The following NALF1 variants were observed in gnomAD, a reference collection of about 807,000 sequenced individuals.
NALF1 encodes the protein NALCN channel auxiliary factor 1, also known as family with sequence similarity 155 member A.
Under a neutral mutation model 48.4 loss-of-function variants are expected in NALF1, and 3 were observed. That is an observed-to-expected ratio of 0.06 (90% CI 0.03 to 0.16). The LOEUF (loss-of-function observed/expected upper bound fraction) is 0.16, where lower values mean the gene tolerates loss of function less well. Among genes scored for constraint, NALF1 ranks in the 10% least tolerant of loss-of-function variants. The pLI is 1.00. For missense variants in NALF1, 526 were observed against 571.5 expected (o/e 0.92, Z 0.81); for synonymous variants, 262 against 245.7 (o/e 1.07, Z -0.62).
At chr13:107,782,906 C>G (rs1315259196) in intron 1 of NALF1, among the ~76,000 whole-genome samples, 1 of 151,258 alleles carries the variant, frequency 6.6e-6, no homozygotes, top group East Asian at 2.0e-4. Flanking sequence ...GCAGCCGCCC[C>G]GTCCAGGAGG....
intron 1 of NALF1, among the ~76,000 whole-genome samples, chr13:107,399,780 G>C (rs376482673): frequency 1.6e-4 from 24 of 152,234 alleles, no homozygotes; most frequent in African/African-American, 5.5e-4. Context: ...CTGTTTAACA[G>C]TTCTGGTTCT....
intron 1 of NALF1, among the ~76,000 whole-genome samples, chr13:107,814,262 T>C (rs1879095870): frequency 6.6e-6 from 1 of 152,154 alleles, no homozygotes; most frequent in African/African-American, 2.4e-5. Flanking sequence ...AGAAGAGGTA[T>C]TTTTAGACAA....
chr13:107,417,833 A>G (rs1465194467), intron 1 of NALF1, among the ~76,000 whole-genome samples: 1 of 152,134 alleles, frequency 6.6e-6, no homozygotes, highest in East Asian at 1.9e-4. Flanking sequence ...GGCTGAGGCC[A>G]GCAGATCACC....
chr13:107,779,219 T>C (rs1381026611), intron 1 of NALF1, among the ~76,000 whole-genome samples: 2 of 152,254 alleles, frequency 1.3e-5, no homozygotes, highest in African/African-American at 4.8e-5. Context: ...ACACCTGCAT[T>C]CTTATAAAAT....
intron 1 of NALF1, among the ~76,000 whole-genome samples, chr13:107,277,258 C>T (rs547541775): frequency 1.6e-4 from 25 of 152,144 alleles, no homozygotes; most frequent in African/African-American, 5.3e-4. Context: ...TTACTTGTGT[C>T]TCCTTGTCTA....
At chr13:107,458,071 T>C (rs775639179) in intron 1 of NALF1, among the ~76,000 whole-genome samples, 23 of 152,204 alleles carry the variant, frequency 1.5e-4, no homozygotes, top group African/African-American at 5.5e-4. Flanking sequence ...AAACAATACA[T>C]AGGAAAACAT....
In NALF1 at chr13:107,168,408, G is replaced by A. The variant is rs1878711773; in HGVS notation, c.*2089C>T. On this transcript the variant is annotated 3_prime_UTR_variant, in exon 3 of 3. Transcript: ENST00000375915. ...TTCACTTCCTCAGCTTGTGTCCCCAGAAAAGCACCATGTTTCCATACACTA... is the reference window on the plus strand; with the variant it reads ...TTCACTTCCTCAGCTTGTGTCCCCAAAAAAGCACCATGTTTCCATACACTA... 1 of 152,154 alleles carries A rather than the reference G, an allele frequency of 6.6e-6. No homozygotes were observed. Among genetic ancestry groups the A allele is most frequent in the African/African-American group, 2.4e-5 (1 of 41,406 alleles). The allele number at this position is 152,154 out of a possible 1,614,324, so 9.4% of individuals were successfully genotyped here.
In NALF1 at chr13:107,845,486, A is replaced by C. The variant is rs140873760; in HGVS notation, c.915+20196T>G. On this transcript the variant is annotated intron_variant, in intron 1 of 2. Coordinates refer to ENST00000375915, the MANE Select transcript of NALF1 (RefSeq NM_001080396.3). ...CCCTAACACGATTCACTCCTTCTCC[A>C]CAAAATCCATACCAGTCACTCAGTG... Among the ~76,000 whole-genome samples the C allele has an allele frequency of 4.2e-3, 644 of 152,278 alleles. 5 individuals carry two copies. Among genetic ancestry groups the C allele is most frequent in the African/African-American group, 0.015 (615 of 41,558 alleles).
chr13:107,501,130 T>A (rs1875508347), intron 1 of NALF1, among the ~76,000 whole-genome samples: 1 of 151,826 alleles, frequency 6.6e-6, no homozygotes, highest in Admixed American at 6.6e-5. Flanking sequence ...AAAAAGACAG[T>A]GCCTTGGACA....
At chr13:107,504,250 C>CA (rs769667553) in intron 1 of NALF1, among the ~76,000 whole-genome samples, 2,713 of 71,450 alleles carry the variant, frequency 0.038, 40 homozygotes, top group East Asian at 0.056. Flanking sequence ...GGCCCTATCT[C>CA]AAAAAAAAAA....
chr13:107,294,848 G>C (rs1881694525), intron 1 of NALF1, among the ~76,000 whole-genome samples: 1 of 152,190 alleles, frequency 6.6e-6, no homozygotes, highest in South Asian at 2.1e-4. Context: ...ACCTCACGTG[G>C]TTATCGAGAG....
intron 1 of NALF1, among the ~76,000 whole-genome samples, chr13:107,696,450 G>C (rs1881701447): frequency 1.3e-5 from 2 of 151,962 alleles, no homozygotes; most frequent in African/African-American, 4.8e-5. Context: ...GGCAGACAAG[G>C]GTAGCTTTAA....
At chr13:107,372,062 T>C (rs1883257688) in intron 1 of NALF1, among the ~76,000 whole-genome samples, 1 of 152,116 alleles carries the variant, frequency 6.6e-6, no homozygotes, top group South Asian at 2.1e-4. Flanking sequence ...ACTCCTGCCT[T>C]GGAGCGCAGC....
At chr13:107,840,094 G>T (rs912717249) in intron 1 of NALF1, among the ~76,000 whole-genome samples, 1 of 152,156 alleles carries the variant, frequency 6.6e-6, no homozygotes, top group Non-Finnish European at 1.5e-5. Flanking sequence ...ATGCCACTGC[G>T]ATATGTATTT....
intron 1 of NALF1, among the ~76,000 whole-genome samples, chr13:107,547,967 C>T (rs921964177): frequency 6.6e-6 from 1 of 151,828 alleles, no homozygotes; most frequent in Non-Finnish European, 1.5e-5. Context: ...TCTAGAAAGC[C>T]CCTTCCTATT....
intron 1 of NALF1, among the ~76,000 whole-genome samples, chr13:107,697,569 A>G (rs60142850): frequency 0.053 from 8,032 of 152,172 alleles, 593 homozygotes; most frequent in East Asian, 0.34. Context: ...TTTTCTAATT[A>G]AAAGTTGTGT....
chr13:107,213,689 C>T (rs1026222565), intron 1 of NALF1, among the ~76,000 whole-genome samples: 7 of 152,166 alleles, frequency 4.6e-5, no homozygotes, highest in African/African-American at 1.2e-4. Context: ...GCATACAGCA[C>T]ATTTGCTAAA....
At chr13:107,311,092 T>C (rs1882035627) in intron 1 of NALF1, among the ~76,000 whole-genome samples, 1 of 152,208 alleles carries the variant, frequency 6.6e-6, no homozygotes, top group Non-Finnish European at 1.5e-5. Context: ...AGTGACGTTA[T>C]AACACATTTT....
intron 1 of NALF1, among the ~76,000 whole-genome samples, chr13:107,257,263 C>T (rs1880835651): frequency 1.3e-5 from 2 of 152,118 alleles, no homozygotes; most frequent in African/African-American, 2.4e-5. Flanking sequence ...CAGAGCCGAA[C>T]CATGTTAGTT....
Sources: gnomAD v4.1 joint callset for allele counts (sites outside exome capture counted in the v4.1 genomes callset) on GRCh38, gnomAD v4.1.1 for gene constraint, MANE v1.5 for transcripts, NCBI Gene and HGNC (gene_info 2026-07-23, HGNC 2026-07-21) for gene names.